The following XRCC4 variants were observed in gnomAD, a reference collection of about 807,000 sequenced individuals.
XRCC4 encodes X-ray repair cross complementing 4.
A neutral mutation model predicts 39.1 loss-of-function variants in XRCC4; 28 were observed. That is an observed-to-expected ratio of 0.72 (90% CI 0.53 to 0.98). The LOEUF is 0.98. Ranked by LOEUF, XRCC4 falls within the 50% of genes least tolerant of loss-of-function variation. The pLI is 0.00. For synonymous variants in XRCC4, 123 were observed against 126.4 expected, an observed-to-expected ratio of 0.97 and a Z score of 0.18; for missense variants, 350 against 376.4, an observed-to-expected ratio of 0.93 and a Z score of 0.58.
At chr5:83,110,342 A>G (rs1561332388) in intron 2 of XRCC4, among the ~76,000 whole-genome samples, 1 of 152,070 alleles carries the variant, frequency 6.6e-6, no homozygotes, top group Non-Finnish European at 1.5e-5. Flanking sequence ...AGAACAGGAT[A>G]TAATGACAAA....
rs191999809 is a variant in XRCC4 at position 83,282,750 on chromosome 5, G to A, written c.893+24073G>A. ...CCAACTACTCGGGAGGCTGAGACAG[G>A]AGAATGGCACGAACCCGGAAGGTGG... On this transcript the variant is annotated intron_variant, in intron 7 of 7. Coordinates refer to ENST00000396027, the MANE Select transcript of XRCC4 (RefSeq NM_003401.5). 8.8e-3 allele frequency among the ~76,000 whole-genome samples: 1,336 copies of A among 152,158 alleles called. 17 individuals are homozygous for A. Among genetic ancestry groups the A allele is most frequent in the African/African-American group, 0.03 (1,245 of 41,506 alleles).
chr5:83,097,643 T>G (rs1745742123), intron 1 of XRCC4, among the ~76,000 whole-genome samples: 1 of 152,018 alleles, frequency 6.6e-6, no homozygotes, highest in Admixed American at 6.6e-5. Flanking sequence ...ATAAGAGAGG[T>G]GTCAAAAATT....
chr5:83,175,298 G>A (rs1368726623), intron 3 of XRCC4, among the ~76,000 whole-genome samples: 1 of 152,068 alleles, frequency 6.6e-6, no homozygotes, highest in East Asian at 1.9e-4. Flanking sequence ...AACTTTTCTT[G>A]TATCTCATTC....
chr5:83,216,520 C>T (rs1751865350), intron 6 of XRCC4, among the ~76,000 whole-genome samples: 1 of 152,142 alleles, frequency 6.6e-6, no homozygotes, highest in Admixed American at 6.6e-5. Context: ...CTTGACTGTT[C>T]ATCAGAGCAT....
intron 7 of XRCC4, among the ~76,000 whole-genome samples, chr5:83,277,184 A>AT (rs1754365567): frequency 6.6e-6 from 1 of 152,220 alleles, no homozygotes; most frequent in Non-Finnish European, 1.5e-5. Context: ...TAATAGAGCA[A>AT]TTTTTTGGGT....
chr5:83,170,655 C>G (rs1213535745), intron 3 of XRCC4, among the ~76,000 whole-genome samples: 1 of 152,166 alleles, frequency 6.6e-6, no homozygotes, highest in Non-Finnish European at 1.5e-5. Flanking sequence ...TCCTTCAAGT[C>G]TAATTCCCAC....
intron 1 of XRCC4, among the ~76,000 whole-genome samples, chr5:83,096,383 T>C (rs1745678921): frequency 6.6e-6 from 1 of 152,262 alleles, no homozygotes; most frequent in African/African-American, 2.4e-5. Flanking sequence ...GTTGGTGGGC[T>C]GACCGGCCTT....
intron 7 of XRCC4, among the ~76,000 whole-genome samples, chr5:83,346,036 T>A (rs1311617227): frequency 6.6e-6 from 1 of 152,172 alleles, no homozygotes; most frequent in Non-Finnish European, 1.5e-5. Context: ...AACTATATTT[T>A]TGAGAATATA....
At chr5:83,209,083 A>AGTGTGAGT (rs1554064995) in intron 6 of XRCC4, among the ~76,000 whole-genome samples, 28 of 143,682 alleles carry the variant, frequency 1.9e-4, no homozygotes, top group African/African-American at 5.5e-4. Flanking sequence ...CTCCAAAGTG[A>AGTGTGAGT]GTGTGTGTGT....
chr5:83,153,458 A>G (rs1252938706), intron 3 of XRCC4, among the ~76,000 whole-genome samples: 1 of 152,184 alleles, frequency 6.6e-6, no homozygotes, highest in Non-Finnish European at 1.5e-5. Context: ...ATATATAATC[A>G]TTCTCCAAAT....
Position 83,148,821 on chromosome 5 carries a change from A to G in XRCC4, c.315+37618A>G, listed in dbSNP as rs368911281. On this transcript the variant is annotated intron_variant, in intron 3 of 7. Coordinates refer to ENST00000396027, the MANE Select transcript of XRCC4 (RefSeq NM_003401.5). ...ATCAATAATGATAATAATAATAATA[A>G]TAAAGTAATACTGTTATAATGAAGA... 3.9e-5 allele frequency among the ~76,000 whole-genome samples: 6 copies of G among 152,134 alleles called. No homozygotes were observed. In the South Asian group the frequency reaches 1.2e-3, roughly 32 times the overall value.
intron 6 of XRCC4, among the ~76,000 whole-genome samples, chr5:83,207,781 A>C (rs147809740): frequency 1.4e-4 from 22 of 152,164 alleles, no homozygotes; most frequent in African/African-American, 5.1e-4. Flanking sequence ...AATTCTGTTG[A>C]ACACAGCTTT....
chr5:83,139,707 A>G (rs1047770536), intron 3 of XRCC4, among the ~76,000 whole-genome samples: 4 of 152,240 alleles, frequency 2.6e-5, no homozygotes, highest in African/African-American at 4.8e-5. Context: ...CTCCAAGGCT[A>G]CAAACCCATA....
chr5:83,215,150 A>G (rs1751809205), intron 6 of XRCC4, among the ~76,000 whole-genome samples: 1 of 152,042 alleles, frequency 6.6e-6, no homozygotes. Context: ...AACCTGGGCA[A>G]TATGGCAAAA....
At chr5:83,249,400 A>G (rs1412522413) in intron 6 of XRCC4, among the ~76,000 whole-genome samples, 1 of 152,112 alleles carries the variant, frequency 6.6e-6, no homozygotes, top group Non-Finnish European at 1.5e-5. Context: ...TTTGAAAATC[A>G]TTTCACAGTT....
At chr5:83,310,957 C>A in intron 7 of XRCC4, 1 of 418,930 alleles carries the variant, frequency 2.4e-6, no homozygotes, top group South Asian at 1.7e-5. Context: ...TCCCTTCGAG[C>A]CTCCGGAGGG....
At chr5:83,157,468 T>C (rs977759591) in intron 3 of XRCC4, among the ~76,000 whole-genome samples, 1 of 152,064 alleles carries the variant, frequency 6.6e-6, no homozygotes, top group Non-Finnish European at 1.5e-5. Flanking sequence ...GGGGAAATCC[T>C]GTAATAAAAA....
At chr5:83,085,495 TAGGTAGATGC>T (rs1299102867) in intron 1 of XRCC4, among the ~76,000 whole-genome samples, 1 of 152,176 alleles carries the variant, frequency 6.6e-6, no homozygotes, top group Non-Finnish European at 1.5e-5. Flanking sequence ...TTGTAATTTT[TAGGTAGATGC>T]TTGTATGATA....
chr5:83,149,430 G>C (rs1748606819), intron 3 of XRCC4, among the ~76,000 whole-genome samples: 1 of 151,862 alleles, frequency 6.6e-6, no homozygotes, highest in South Asian at 2.1e-4. Context: ...TTTGTAATAT[G>C]CTATACTTTA....
Sources: allele counts gnomAD v4.1 joint callset (sites outside exome capture counted in the v4.1 genomes callset), GRCh38; gene constraint gnomAD v4.1.1; transcripts MANE v1.5; gene names NCBI Gene and HGNC (gene_info 2026-07-23, HGNC 2026-07-21).